The following PIK3C2G variants were observed in gnomAD, a reference collection of about 807,000 sequenced individuals.
PIK3C2G encodes the protein phosphatidylinositol 3-kinase C2 domain-containing subunit gamma.
Under a neutral mutation model 181.1 loss-of-function variants are expected in PIK3C2G, and 168 were observed. The observed-to-expected ratio is 0.93, with a 90% CI of 0.82 to 1.05. The LOEUF (loss-of-function observed/expected upper bound fraction) is 1.05, where lower values mean the gene tolerates loss of function less well. PIK3C2G is among the 50% of genes least tolerant of loss of function. The pLI, the probability that PIK3C2G is intolerant of heterozygous loss-of-function variation, is 0.00. For synonymous variants in PIK3C2G, 573 were observed against 592.2 expected (o/e 0.97, Z 0.47); for missense variants, 1,869 against 1,732.8 (o/e 1.08, Z -1.40).
intron 26 of PIK3C2G, among the ~76,000 whole-genome samples, chr12:18,560,009 A>AATTTTTTGT (rs1945265452): frequency 6.6e-6 from 1 of 151,040 alleles, no homozygotes. Context: ...ATGCCTGGCT[A>AATTTTTTGT]ATTTTTTGTA....
intron 1 of PIK3C2G, among the ~76,000 whole-genome samples, chr12:18,266,807 C>T (rs190636845): frequency 1.4e-3 from 218 of 151,980 alleles, no homozygotes; most frequent in African/African-American, 5.1e-3. Context: ...TTCCTCCTCT[C>T]GTCCTCTCTC....
At chr12:18,492,648 G>A (rs183581389) in intron 20 of PIK3C2G, among the ~76,000 whole-genome samples, 43 of 152,284 alleles carry the variant, frequency 2.8e-4, no homozygotes, top group African/African-American at 9.6e-4. Context: ...GTACCTTAAT[G>A]TAGAAAGAAC....
chr12:18,489,650 T>C (rs1251383287), intron 19 of PIK3C2G, among the ~76,000 whole-genome samples: 2 of 152,116 alleles, frequency 1.3e-5, no homozygotes, highest in Non-Finnish European at 2.9e-5. Flanking sequence ...TATAATAGGA[T>C]AAGCAATGCA....
intron 24 of PIK3C2G, among the ~76,000 whole-genome samples, chr12:18,505,731 G>A (rs193156693): frequency 6.6e-6 from 1 of 152,292 alleles, no homozygotes; most frequent in Admixed American, 6.5e-5. Flanking sequence ...GTCATTTGAA[G>A]TAATATTGTT....
chr12:18,699,689 T>A, the PIK3C2G span: 1 of 1,240,162 alleles, frequency 8.1e-7, no homozygotes, highest in African/African-American at 1.5e-5. Flanking sequence ...GTGTTGAAAT[T>A]TTATGAGAAT....
At chr12:18,380,807 C>G (rs558037903) in intron 13 of PIK3C2G, among the ~76,000 whole-genome samples, 1 of 152,272 alleles carries the variant, frequency 6.6e-6, no homozygotes, top group East Asian at 1.9e-4. Context: ...AGCTAAAGGT[C>G]TAAAGAAAGC....
At chr12:18,694,241 T>C in the PIK3C2G span, 4 of 601,924 alleles carry the variant, frequency 6.6e-6, no homozygotes, top group Non-Finnish European at 9.0e-6. Flanking sequence ...GAGTACGATG[T>C]GTAAGTGCCC....
rs989432004 is a variant in PIK3C2G at position 18,575,056 on chromosome 12, T to C, written c.4011+7999T>C. 3.3e-5 allele frequency among the ~76,000 whole-genome samples: 5 copies of C among 152,122 alleles called. No individual in the cohort carries two copies. The East Asian group carries it at 9.6e-4, about 29-fold the overall frequency. On this transcript the variant is annotated intron_variant, in intron 29 of 32. Coordinates refer to ENST00000538779, the MANE Select transcript of PIK3C2G (RefSeq NM_001288772.2). Reference sequence around the variant, plus strand: ...AGTAATATTGTGGTTTAATGATAAATAGATGTACTTAAAGAAGAAAATCCT... The same window carrying C: ...AGTAATATTGTGGTTTAATGATAAACAGATGTACTTAAAGAAGAAAATCCT...
intron 18 of PIK3C2G, among the ~76,000 whole-genome samples, chr12:18,429,348 A>G (rs1034837393): frequency 6.2e-4 from 95 of 152,164 alleles, no homozygotes; most frequent in African/African-American, 2.3e-3. Context: ...CTGTGAGAAT[A>G]CATTTCTGTT....
At chr12:18,455,270 A>C (rs1015699196) in intron 18 of PIK3C2G, among the ~76,000 whole-genome samples, 1 of 152,046 alleles carries the variant, frequency 6.6e-6, no homozygotes, top group Admixed American at 6.6e-5. Flanking sequence ...ACACAAAGAC[A>C]TGAACACCAG....
At chr12:18,522,659 A>G (rs1592484333) in intron 24 of PIK3C2G, among the ~76,000 whole-genome samples, 1 of 151,206 alleles carries the variant, frequency 6.6e-6, no homozygotes, top group Admixed American at 6.6e-5. Context: ...TGTTGCTTTT[A>G]TTATTCTTTC....
At chr12:18,705,222 C>T in the PIK3C2G span, 1 of 1,614,034 alleles carries the variant, frequency 6.2e-7, no homozygotes, top group Non-Finnish European at 8.5e-7. Flanking sequence ...AGCAAGGACT[C>T]TCCAAAAGTA....
the PIK3C2G span, chr12:18,693,964 G>T: frequency 4.9e-5 from 74 of 1,514,546 alleles, no homozygotes; most frequent in African/African-American, 8.8e-4. Flanking sequence ...CTGACATCAA[G>T]GCAGTCTGTA....
At chr12:18,518,550 A>C (rs1942703755) in intron 24 of PIK3C2G, among the ~76,000 whole-genome samples, 1 of 152,108 alleles carries the variant, frequency 6.6e-6, no homozygotes, top group African/African-American at 2.4e-5. Flanking sequence ...CTCTGATGGT[A>C]GTTTGTATTT....
At chr12:18,266,569 T>C (rs1948508746) in intron 1 of PIK3C2G, among the ~76,000 whole-genome samples, 1 of 152,198 alleles carries the variant, frequency 6.6e-6, no homozygotes, top group African/African-American at 2.4e-5. Flanking sequence ...ATTAAAATTT[T>C]GTGGCCGGAT....
chr12:18,406,129 A>C (rs1164469174), intron 16 of PIK3C2G, among the ~76,000 whole-genome samples: 3 of 152,078 alleles, frequency 2.0e-5, no homozygotes, highest in African/African-American at 7.2e-5. Context: ...GATTATTAAA[A>C]TATTTGTGTT....
the PIK3C2G span, chr12:18,694,939 C>T: frequency 6.2e-7 from 1 of 1,602,842 alleles, no homozygotes; most frequent in Non-Finnish European, 8.5e-7. Flanking sequence ...GGCATACCCT[C>T]TTTTATGTTA....
chr12:18,700,538 A>AAAAGG, the PIK3C2G span, among the ~76,000 whole-genome samples: 6 of 135,914 alleles, frequency 4.4e-5, no homozygotes, highest in South Asian at 2.3e-4. Flanking sequence ...AAAAAAAAAT[A>AAAAGG]GTTGCTCTGC....
At chr12:18,325,431 A>C (rs1031234762) in intron 8 of PIK3C2G, among the ~76,000 whole-genome samples, 1 of 152,114 alleles carries the variant, frequency 6.6e-6, no homozygotes, top group South Asian at 2.1e-4. Flanking sequence ...AGTAGAGATA[A>C]CTTTCGGCAA....
Sources: allele counts gnomAD v4.1 joint callset (sites outside exome capture counted in the v4.1 genomes callset), GRCh38; gene constraint gnomAD v4.1.1; transcripts MANE v1.5; gene names NCBI Gene and HGNC (gene_info 2026-07-23, HGNC 2026-07-21).